The following RBFOX1 variants were observed in gnomAD, a reference collection of about 807,000 sequenced individuals.
RBFOX1 encodes RNA binding protein fox-1 homolog 1.
RBFOX1 carries 8 observed loss-of-function variants against 57.7 expected under a neutral mutation model. That is an observed-to-expected ratio of 0.14 (90% confidence interval 0.08 to 0.25). The LOEUF is 0.25. Among genes scored for constraint, RBFOX1 ranks in the 10% least tolerant of loss-of-function variants. The pLI is 1.00. For synonymous variants in RBFOX1, 326 were observed against 222.4 expected, an observed-to-expected ratio of 1.47 and a Z score of -4.15; for missense variants, 611 against 548.5, an observed-to-expected ratio of 1.11 and a Z score of -1.14.
At chr16:7,318,290 G>C (rs574127241) in intron 4 of RBFOX1, among the ~76,000 whole-genome samples, 64 of 151,932 alleles carry the variant, frequency 4.2e-4, no homozygotes, top group African/African-American at 1.5e-3. Flanking sequence ...TGATAGTAAT[G>C]GTGGTAGTGC....
intron 3 of RBFOX1, among the ~76,000 whole-genome samples, chr16:6,781,307 A>T (rs1401997742): frequency 6.6e-6 from 1 of 152,088 alleles, no homozygotes; most frequent in Non-Finnish European, 1.5e-5. Context: ...TGATCTTTTT[A>T]ATATGTTGAA....
At chr16:5,380,267 A>G (rs2066098326) in intron 1 of RBFOX1, among the ~76,000 whole-genome samples, 1 of 152,168 alleles carries the variant, frequency 6.6e-6, no homozygotes, top group African/African-American at 2.4e-5. Context: ...CAGTAGGTAG[A>G]TGGTGGAAAC....
chr16:7,548,760 C>T (rs539960717), intron 5 of RBFOX1, among the ~76,000 whole-genome samples: 63 of 152,266 alleles, frequency 4.1e-4, no homozygotes, highest in East Asian at 9.7e-4. Context: ...CACTTGAGGC[C>T]GCCATGTTTG....
intron 2 of RBFOX1, among the ~76,000 whole-genome samples, chr16:5,529,757 G>A (rs982854511): frequency 2.0e-5 from 3 of 151,888 alleles, no homozygotes; most frequent in Non-Finnish European, 2.9e-5. Flanking sequence ...TAGTAGAAAC[G>A]GGGTTTCACC....
intron 2 of RBFOX1, among the ~76,000 whole-genome samples, chr16:5,490,849 A>G (rs1056859512): frequency 3.9e-5 from 6 of 152,210 alleles, no homozygotes; most frequent in East Asian, 1.9e-4. Context: ...CACACTGAGT[A>G]CAACGATTAA....
At chr16:7,489,515 A>AT (rs33967711) in intron 4 of RBFOX1, among the ~76,000 whole-genome samples, 18 of 150,392 alleles carry the variant, frequency 1.2e-4, no homozygotes, top group African/African-American at 1.7e-4. Context: ...TATTATTATT[A>AT]TTTTTTTTTT....
intron 1 of RBFOX1, among the ~76,000 whole-genome samples, chr16:5,442,552 G>T (rs1458260159): frequency 6.6e-6 from 1 of 152,310 alleles, no homozygotes; most frequent in African/African-American, 2.4e-5. Flanking sequence ...AGTGGGGAGA[G>T]AAAAACCAAA....
chr16:7,347,403 C>A lies in RBFOX1; in HGVS notation c.28-170744C>A, dbSNP rs192460028. On this transcript the variant is annotated intron_variant, in intron 4 of 15. Transcript: ENST00000550418. ...GGGAAACTCTTGTTTTTAAAATCATCAGGTTTCATGAGACTTGTTCATTAT... is the reference window on the plus strand; with the variant it reads ...GGGAAACTCTTGTTTTTAAAATCATAAGGTTTCATGAGACTTGTTCATTAT... Among the ~76,000 whole-genome samples the A allele has an allele frequency of 2.4e-3, 362 of 152,194 alleles. 1 individual carries two copies. The highest frequency in any genetic ancestry group is 0.01 in the Middle Eastern group (3 of 294).
chr16:7,249,597 T>C (rs1465766236), intron 4 of RBFOX1, among the ~76,000 whole-genome samples: 4 of 135,604 alleles, frequency 2.9e-5, no homozygotes, highest in Admixed American at 2.2e-4. Flanking sequence ...TAGGCTTCTT[T>C]CTTTAAAAAA....
intron 2 of RBFOX1, among the ~76,000 whole-genome samples, chr16:5,565,734 G>T (rs2046044701): frequency 6.6e-6 from 1 of 151,958 alleles, no homozygotes; most frequent in Non-Finnish European, 1.5e-5. Context: ...AGCTTTCCTG[G>T]AATCTCCTCT....
At chr16:6,552,457 G>A (rs2097009806) in intron 2 of RBFOX1, among the ~76,000 whole-genome samples, 1 of 152,166 alleles carries the variant, frequency 6.6e-6, no homozygotes, top group South Asian at 2.1e-4. Flanking sequence ...TCATGTGTTT[G>A]TAGTGAAGAT....
At chr16:7,480,170 T>C (rs1275876193) in intron 4 of RBFOX1, among the ~76,000 whole-genome samples, 1 of 152,224 alleles carries the variant, frequency 6.6e-6, no homozygotes, top group African/African-American at 2.4e-5. Context: ...ACACACTCTC[T>C]AAGTTACAGT....
At chr16:5,437,262 C>CAGAA (rs2067946048) in intron 1 of RBFOX1, among the ~76,000 whole-genome samples, 1 of 152,266 alleles carries the variant, frequency 6.6e-6, no homozygotes, top group South Asian at 2.1e-4. Context: ...TCTTCAGGAA[C>CAGAA]AGAAGAAAGC....
chr16:5,370,331 C>G (rs1004755961), intron 1 of RBFOX1, among the ~76,000 whole-genome samples: 1 of 152,026 alleles, frequency 6.6e-6, no homozygotes, highest in Non-Finnish European at 1.5e-5. Context: ...TGTTCTCTTC[C>G]CTTCTTTAGA....
intron 2 of RBFOX1, among the ~76,000 whole-genome samples, chr16:6,607,933 C>G (rs1430047863): frequency 6.6e-6 from 1 of 152,160 alleles, no homozygotes; most frequent in Non-Finnish European, 1.5e-5. Context: ...AGAATATATA[C>G]AAACTTGGAA....
intron 1 of RBFOX1, among the ~76,000 whole-genome samples, chr16:5,427,583 T>TCAAAACAAAA (rs4039609): frequency 0.013 from 1,956 of 148,718 alleles, 21 homozygotes; most frequent in African/African-American, 0.019. Flanking sequence ...AGACTCTGTC[T>TCAAAACAAAA]CAAAACAAAA....
chr16:6,242,341 A>G (rs1598730089), intron 1 of RBFOX1, among the ~76,000 whole-genome samples: 1 of 152,066 alleles, frequency 6.6e-6, no homozygotes, highest in Non-Finnish European at 1.5e-5. Context: ...GTATAGGTCT[A>G]TGGTCTATTG....
At chr16:7,661,577 C>A (rs1448691395) in intron 12 of RBFOX1, among the ~76,000 whole-genome samples, 1 of 152,194 alleles carries the variant, frequency 6.6e-6, no homozygotes, top group East Asian at 1.9e-4. Flanking sequence ...TTGCTGTCTC[C>A]TGCAGTATCT....
At chr16:6,425,324 T>C (rs969330425) in intron 2 of RBFOX1, among the ~76,000 whole-genome samples, 1 of 152,150 alleles carries the variant, frequency 6.6e-6, no homozygotes, top group Non-Finnish European at 1.5e-5. Context: ...GAAGGAGGAA[T>C]ACTCTAAAAT....
Sources: gnomAD v4.1 joint callset for allele counts (sites outside exome capture counted in the v4.1 genomes callset) on GRCh38, gnomAD v4.1.1 for gene constraint, MANE v1.5 for transcripts, NCBI Gene and HGNC (gene_info 2026-07-23, HGNC 2026-07-21) for gene names.